Variants in NSD3 observed in about 807,000 individuals in gnomAD.
NSD3 encodes histone-lysine N-methyltransferase NSD3.
Under a neutral mutation model 160.8 loss-of-function variants are expected in NSD3, and 24 were observed. The ratio of observed to expected loss-of-function variants is 0.15; its 90% CI spans 0.11 to 0.21. The LOEUF is 0.21. Ranked by LOEUF, NSD3 falls within the 10% of genes least tolerant of loss-of-function variation. NSD3 has a pLI of 1.00. For missense variants in NSD3, 1,157 were observed against 1,735.9 expected, an observed-to-expected ratio of 0.67 and a Z score of 5.93; for synonymous variants, 520 against 600.0, an observed-to-expected ratio of 0.87 and a Z score of 1.95.
chr8:38,372,110 G>A (rs1345177235), intron 1 of NSD3, among the ~76,000 whole-genome samples: 2 of 152,188 alleles, frequency 1.3e-5, no homozygotes, highest in Non-Finnish European at 2.9e-5. Flanking sequence ...GCAAAAGCAG[G>A]AGTGTCAAAC....
chr8:38,367,880 T>C (rs1268452565), intron 1 of NSD3, among the ~76,000 whole-genome samples: 1 of 152,210 alleles, frequency 6.6e-6, no homozygotes, highest in Non-Finnish European at 1.5e-5. Context: ...CACGATTCTC[T>C]TTACAAAATC....
At chr8:38,381,612 G>A (rs1226894013) in intron 1 of NSD3, 187 bp downstream of exon 1, 1 of 124,812 alleles carries the variant, frequency 8.0e-6, no homozygotes, top group African/African-American at 3.1e-5. Flanking sequence ...TCCTCCGTCA[G>A]GACTCCCCTC....
At chr8:38,289,251 G>T in intron 18 of NSD3, 142 bp downstream of exon 18, 2 of 752,954 alleles carry the variant, frequency 2.7e-6, no homozygotes, top group Non-Finnish European at 2.1e-6. Flanking sequence ...ATTAGCAAAA[G>T]TTTGCACAAG....
At position 38,326,979 on chromosome 8, in the gene NSD3, G is replaced by C. The variant is rs73605056; in HGVS notation, c.1582-123C>G. 1,512 of 1,031,488 alleles carry C rather than the reference G, an allele frequency of 1.5e-3. 19 individuals are homozygous for C. In the African/African-American group the frequency reaches 0.02, roughly 14 times the overall value. The allele number at this position is 1,031,488 out of a possible 1,614,324, so 63.9% of individuals were successfully genotyped here. A position where few individuals can be genotyped will look rare whatever the true frequency, so the allele number is the denominator to read the frequency against. ...CTTAAATTTTATATGGTCTTTGATT[G>C]CAATTAAGTTATCTTAGCCTTTATC... is the stretch of plus-strand genomic sequence containing the variant. On this transcript the variant is annotated intron_variant, in intron 6 of 23. Transcript: ENST00000317025.
chr8:38,341,036 G>A (rs1456323118), intron 2 of NSD3, among the ~76,000 whole-genome samples: 2 of 152,038 alleles, frequency 1.3e-5, no homozygotes, highest in African/African-American at 2.4e-5. Context: ...TACTCTGAGG[G>A]GCTGAGGCAG....
Position 38,309,957 on chromosome 8 carries a change from C to T in NSD3, c.2243-4512G>A, listed in dbSNP as rs1449512909. ...GTTTGAAGAATCACAGTTCTCACTT[C>T]TAATATGTTAGAAGTGTACCAAATA... On this transcript the variant is annotated intron_variant, in intron 12 of 23. Transcript: ENST00000317025. Among the ~76,000 whole-genome samples, 6 of 152,228 alleles carry T rather than the reference C, an allele frequency of 3.9e-5. No individual in the cohort carries two copies. The East Asian group carries it at 1.2e-3, about 29-fold the overall frequency.
In NSD3 at chr8:38,288,221, A is replaced by G. The variant is rs888899377; in HGVS notation, c.3501+266T>C. On this transcript the variant is annotated intron_variant, in intron 19 of 23. Coordinates refer to ENST00000317025, the MANE Select transcript of NSD3 (RefSeq NM_023034.2). This position sits in a 1 kb window ranked among gnomAD's most constrained non-coding sequence, Gnocchi z 4.5. The stretch of plus-strand genomic sequence containing the variant: ...AAATAAAACAATAAAAAAAACAAGT[A>G]AAAACCATTTCACATAGAAATTACC... Among the ~76,000 whole-genome samples the G allele has an allele frequency of 2.6e-5, 4 of 152,150 alleles. No individual in the cohort carries two copies. Among genetic ancestry groups the G allele is most frequent in the Admixed American group, 6.5e-5 (1 of 15,268 alleles).
At chr8:38,330,359 T>C (rs567672123) in intron 5 of NSD3, among the ~76,000 whole-genome samples, 2 of 152,232 alleles carry the variant, frequency 1.3e-5, no homozygotes, top group South Asian at 2.1e-4. Context: ...CCACAATGCA[T>C]GCAGGGACAG....
intron 1 of NSD3, among the ~76,000 whole-genome samples, chr8:38,380,024 A>G (rs1272112373): frequency 6.6e-6 from 1 of 152,196 alleles, no homozygotes; most frequent in Admixed American, 6.5e-5. Flanking sequence ...TCAATCAAAA[A>G]ACGAACAAAC....
At chr8:38,309,283 C>A (rs1458237221) in intron 12 of NSD3, among the ~76,000 whole-genome samples, 1 of 152,118 alleles carries the variant, frequency 6.6e-6, no homozygotes, top group Non-Finnish European at 1.5e-5. Flanking sequence ...GCCTGGCCAA[C>A]ATGGCAAAAC....
chr8:38,351,708 C>T (rs1810706530), intron 1 of NSD3, among the ~76,000 whole-genome samples: 1 of 151,588 alleles, frequency 6.6e-6, no homozygotes, highest in African/African-American at 2.4e-5. Context: ...ATGATGAGTT[C>T]ATGTCCTTTG....
chr8:38,303,376 A>C (rs1809319634), intron 14 of NSD3: 1 of 985,480 alleles, frequency 1.0e-6, no homozygotes, highest in Non-Finnish European at 1.2e-6. Context: ...GCCAGGTTTC[A>C]GAGCAGGATA....
chr8:38,368,679 T>G (rs987330999), intron 1 of NSD3, among the ~76,000 whole-genome samples: 1 of 152,188 alleles, frequency 6.6e-6, no homozygotes, highest in Non-Finnish European at 1.5e-5. Context: ...ACACCCTGTT[T>G]CCCTTATCTA....
At position 38,297,910 on chromosome 8, in the gene NSD3, A is replaced by G. The variant is rs1809193761; in HGVS notation, c.2758+1534T>C. 3.3e-5 allele frequency among the ~76,000 whole-genome samples: 5 copies of G among 152,294 alleles called. No homozygotes were observed. The South Asian group carries it at 1.0e-3, about 32-fold the overall frequency. On this transcript the variant is annotated intron_variant, in intron 15 of 23. Coordinates refer to ENST00000317025, the MANE Select transcript of NSD3 (RefSeq NM_023034.2). ...CATGTGATTATTAGTACTGACCTAGAAAAGTCAGGCTGGCCATTTTTAACA... is the reference window on the plus strand; with the variant it reads ...CATGTGATTATTAGTACTGACCTAGGAAAGTCAGGCTGGCCATTTTTAACA...
intron 16 of NSD3, among the ~76,000 whole-genome samples, chr8:38,293,092 C>A (rs1391752286): frequency 6.8e-6 from 1 of 147,364 alleles, no homozygotes; most frequent in Non-Finnish European, 1.5e-5. Context: ...GAGCCGAGAT[C>A]GTGCCACTGC....
Position 38,319,870 on chromosome 8 carries a change from G to A in NSD3, c.1810-930C>T, listed in dbSNP as rs150474406. On this transcript the variant is annotated intron_variant, in intron 8 of 23. Transcript: ENST00000317025. The surrounding 1 kb of genome is among the most constrained non-coding windows in gnomAD (Gnocchi z 4.1). ...TATAAAATCTTCTAAACAATCACTG[G>A]TATTGTTCTACTACTAACTATAACA... 3 of 152,096 alleles carry A rather than the reference G, an allele frequency of 2.0e-5. No homozygotes were observed. Among genetic ancestry groups the A allele is most frequent in the African/African-American group, 7.2e-5 (3 of 41,480 alleles). 9.4% of individuals were successfully genotyped at this position (152,096 alleles called of 1,614,324 possible).
In NSD3 at chr8:38,290,563, C is replaced by A; in HGVS notation, c.3030G>T (p.Trp1010Cys). ...AAGGGAACACTCTGCCCTGGTGTAC[C>A]CAGTAGTAGTCATGAGAACCAAAGA... ...VFFFGSHDYY[W>C]VHQGRVFPYV... Residue 1010 changes from tryptophan (W) to cysteine (C), a missense_variant, in exon 17 of 24, where the codon TGG (tryptophan) becomes TGT (cysteine). Around this residue, in one of 10 missense-constraint regions of NSD3, gnomAD observed 437 missense variants for 576.6 expected, o/e 0.76. Coordinates refer to ENST00000317025, the MANE Select transcript of NSD3 (RefSeq NM_023034.2). The A allele has an allele frequency of 6.2e-7, 1 of 1,614,116 alleles. No homozygotes were observed. The highest frequency in any genetic ancestry group is 8.5e-7 in the Non-Finnish European group (1 of 1,180,024).
At chr8:38,334,139 C>T (rs1810145721) in intron 4 of NSD3, among the ~76,000 whole-genome samples, 1 of 152,028 alleles carries the variant, frequency 6.6e-6, no homozygotes, top group African/African-American at 2.4e-5. Context: ...GAAAAACTGT[C>T]AGAAAACTAC....
At chr8:38,343,857 T>G (rs1810446194) in intron 2 of NSD3, among the ~76,000 whole-genome samples, 1 of 152,172 alleles carries the variant, frequency 6.6e-6, no homozygotes, top group Non-Finnish European at 1.5e-5. Flanking sequence ...CACTCTGCTT[T>G]TTATAAGGGG....
Sources: gnomAD v4.1 joint callset for allele counts (sites outside exome capture counted in the v4.1 genomes callset) on GRCh38, gnomAD v4.1.1 for gene constraint, gnomAD v4.1.1 regional missense constraint, Gnocchi (gnomAD v3.1) non-coding constraint, MANE v1.5 for transcripts, NCBI Gene and HGNC (gene_info 2026-07-23, HGNC 2026-07-21) for gene names.